The following CROT variants were observed in gnomAD, a reference collection of about 807,000 sequenced individuals.
The protein encoded by CROT is peroxisomal carnitine O-octanoyltransferase.
Under a neutral mutation model 89.2 loss-of-function variants are expected in CROT, and 84 were observed. The observed-to-expected ratio is 0.94, with a 90% CI of 0.79 to 1.13. The LOEUF (loss-of-function observed/expected upper bound fraction) is 1.13. Ranked by LOEUF, CROT falls within the 50% of genes most tolerant of loss-of-function variation. The probability of loss-of-function intolerance (pLI) is 0.00; values close to 1 mark genes in which losing one functional copy is unlikely to be tolerated. For missense variants in CROT, 711 were observed against 727.8 expected, an observed-to-expected ratio of 0.98 and a Z score of 0.27; for synonymous variants, 212 against 239.5, an observed-to-expected ratio of 0.89 and a Z score of 1.06.
chr7:87,361,697 G>A lies in CROT; in HGVS notation c.423-31G>A, dbSNP rs748240367. The stretch of plus-strand genomic sequence containing the variant: ...GTGGCTGGTTTTTAAATTTTATAAT[G>A]ACTTTTTGATCAAAATCCTTTTTTT... On this transcript the variant is annotated intron_variant, in intron 5 of 17. Transcript: ENST00000331536. 3 of 1,548,788 alleles carry A rather than the reference G, an allele frequency of 1.9e-6. No homozygotes were observed. In the East Asian group the frequency reaches 6.8e-5, roughly 35 times the overall value.
At chr7:87,346,788 C>T (rs117326449) in intron 2 of CROT, among the ~76,000 whole-genome samples, 1 of 152,282 alleles carries the variant, frequency 6.6e-6, no homozygotes, top group East Asian at 1.9e-4. Context: ...CTGCCTTAAC[C>T]AATTACACAA....
intron 13 of CROT, among the ~76,000 whole-genome samples, chr7:87,390,762 G>C (rs1433026318): frequency 6.6e-6 from 1 of 152,160 alleles, no homozygotes; most frequent in African/African-American, 2.4e-5. Context: ...GTTCTATATG[G>C]AGGCACTAAA....
At chr7:87,360,058 C>T (rs1356637390) in intron 4 of CROT, 4 of 978,226 alleles carry the variant, frequency 4.1e-6, no homozygotes, top group Non-Finnish European at 1.2e-6. Context: ...TTCCGGATTC[C>T]TTTGTTCTCA....
chr7:87,359,914 G>T (rs1299819900), intron 4 of CROT: 42 of 984,964 alleles, frequency 4.3e-5, no homozygotes, highest in Non-Finnish European at 4.8e-5. Context: ...AGAGGATGAG[G>T]TTGTATAATT....
At chr7:87,350,477 G>A (rs1000651115) in intron 3 of CROT, among the ~76,000 whole-genome samples, 1 of 151,964 alleles carries the variant, frequency 6.6e-6, no homozygotes, top group African/African-American at 2.4e-5. Flanking sequence ...AGAGAATATG[G>A]CCATAGGATA....
chr7:87,398,704 A>G lies in CROT; in HGVS notation c.*60A>G. The G allele has an allele frequency of 6.6e-7, 1 of 1,522,264 alleles. No homozygotes were observed. The allele number at this position is 1,522,264 out of a possible 1,614,324, so 94.3% of individuals were successfully genotyped here. ...ATCATTAAACTGAGTGCTGGGAGTG[A>G]GTTGGTAATATGAGATGGGAAGGAA... On this transcript the variant is annotated 3_prime_UTR_variant, in exon 18 of 18. Coordinates refer to ENST00000331536, the MANE Select transcript of CROT (RefSeq NM_021151.4).
At chr7:87,360,017 A>G in intron 4 of CROT, 1 of 981,126 alleles carries the variant, frequency 1.0e-6, no homozygotes, top group Non-Finnish European at 1.2e-6. Flanking sequence ...TGAACCATTT[A>G]TATCTGTGAT....
rs115315643 is a variant in CROT at position 87,368,643 on chromosome 7, C to T, written c.548-733C>T. ...GTAAATAATACCCACCACTATATTT[C>T]CTTCAAGCGGCAGTGTATGTCTTCT... On this transcript the variant is annotated intron_variant, in intron 6 of 17. Transcript: ENST00000331536. 1.9e-3 allele frequency among the ~76,000 whole-genome samples: 295 copies of T among 152,292 alleles called. 2 individuals carry two copies. The highest frequency in any genetic ancestry group is 0.017 in the Middle Eastern group (5 of 294).
intron 13 of CROT, among the ~76,000 whole-genome samples, chr7:87,384,621 T>C (rs902120896): frequency 2.0e-5 from 3 of 152,246 alleles, no homozygotes; most frequent in Non-Finnish European, 1.5e-5. Flanking sequence ...ATATTCTGAT[T>C]ATTAATTTCT....
chr7:87,348,430 A>G (rs934005863), intron 2 of CROT, among the ~76,000 whole-genome samples: 1 of 152,214 alleles, frequency 6.6e-6, no homozygotes. Flanking sequence ...TATGTATTCT[A>G]TAATAATCTT....
rs149695092 is a variant in CROT at position 87,361,557 on chromosome 7, G to T, written c.408G>T (p.Trp136Cys). 5 of 1,593,266 alleles carry T rather than the reference G, an allele frequency of 3.1e-6. No individual in the cohort carries two copies. Among genetic ancestry groups the T allele is most frequent in the Non-Finnish European group, 3.4e-6 (4 of 1,170,968 alleles). The change falls in exon 5 of 18, where the codon TGG (tryptophan) becomes TGT (cysteine). Residue 136 changes from tryptophan (W) to cysteine (C), a missense_variant. Coordinates refer to ENST00000331536, the MANE Select transcript of CROT (RefSeq NM_021151.4). ...CTCTTTGGCATAACTTGAACTACTGGCAGCTATTAAGAAAGTAAGGACACA... is the reference window on the plus strand; with the variant it reads ...CTCTTTGGCATAACTTGAACTACTGTCAGCTATTAAGAAAGTAAGGACACA... ...SITLWHNLNYWQLLRKEKVPV... is the reference protein window; with the variant it reads ...SITLWHNLNYCQLLRKEKVPV...
chr7:87,366,395 T>A (rs1261883224), intron 6 of CROT, among the ~76,000 whole-genome samples: 3 of 152,174 alleles, frequency 2.0e-5, no homozygotes, highest in Non-Finnish European at 4.4e-5. Context: ...ACCACTACAT[T>A]GTTGCAGTGA....
intron 6 of CROT, 59 bp downstream of exon 6, chr7:87,361,911 A>G: frequency 1.4e-5 from 20 of 1,446,144 alleles, no homozygotes; most frequent in Non-Finnish European, 1.9e-5. Flanking sequence ...GTAGCCTACT[A>G]TGACGTGATG....
Position 87,391,632 on chromosome 7 carries a change from C to T in CROT, c.1345C>T (p.His449Tyr), listed in dbSNP as rs1223749609. The change falls in exon 14 of 18, where the codon CAT (histidine) becomes TAT (tyrosine). Residue 449 changes from histidine to tyrosine, a missense_variant. Transcript: ENST00000331536. The part of the protein sequence containing the change: ...YETAMTRHFY[H>Y]GRTETMRSCT... Reference sequence around the variant, plus strand: ...AACAGCTATGACAAGACATTTTTATCATGGCCGTACAGAGACTATGCGATC... The same window carrying T: ...AACAGCTATGACAAGACATTTTTATTATGGCCGTACAGAGACTATGCGATC... 2.5e-6 allele frequency: 4 copies of T among 1,607,520 alleles called. No individual in the cohort carries two copies. The highest frequency in any genetic ancestry group is 3.4e-5 in the Admixed American group (2 of 58,508).
intron 6 of CROT, among the ~76,000 whole-genome samples, chr7:87,365,648 C>T (rs1806418413): frequency 6.8e-6 from 1 of 146,982 alleles, no homozygotes; most frequent in Non-Finnish European, 1.5e-5. Context: ...TGGTCTGTCA[C>T]CTAGGGTGGA....
chr7:87,359,773 A>C, intron 4 of CROT: 26 of 995,784 alleles, frequency 2.6e-5, no homozygotes, highest in Non-Finnish European at 3.1e-5. Context: ...GAGAATGGTT[A>C]TGTATATTGT....
At position 87,377,360 on chromosome 7, in the gene CROT, C is replaced by T; in HGVS notation, c.888C>T (p.Ala296=). The T allele has an allele frequency of 6.3e-7, 1 of 1,596,098 alleles. No individual in the cohort carries two copies. Among genetic ancestry groups the T allele is most frequent in the Non-Finnish European group, 8.6e-7 (1 of 1,168,486 alleles). The change falls in exon 10 of 18, where the codon GCC becomes GCT. Residue 296 remains alanine (A), a synonymous_variant. Coordinates refer to ENST00000331536, the MANE Select transcript of CROT (RefSeq NM_021151.4). ...TPEDYSEIIA[A]ILIGDPTVRW... is the part of the protein sequence containing the mutation. ...TAAATTTATTTTAGATTATTGCAGC[C>T]ATCCTTATTGGAGATCCAACAGTAC...
intron 3 of CROT, among the ~76,000 whole-genome samples, chr7:87,358,630 GA>G (rs200413543): frequency 0.021 from 3,152 of 152,024 alleles, 93 homozygotes; most frequent in South Asian, 0.075. Flanking sequence ...ATAAGGAAGA[GA>G]AAAATATATT....
intron 6 of CROT, among the ~76,000 whole-genome samples, chr7:87,362,248 T>C (rs961704515): frequency 1.3e-5 from 2 of 152,020 alleles, no homozygotes; most frequent in African/African-American, 4.8e-5. Context: ...ACAGTCTCCC[T>C]GTGAGTCTGC....
Sources: gnomAD v4.1 joint callset for allele counts (sites outside exome capture counted in the v4.1 genomes callset) on GRCh38, gnomAD v4.1.1 for gene constraint, MANE v1.5 for transcripts, NCBI Gene and HGNC (gene_info 2026-07-23, HGNC 2026-07-21) for gene names.